The following MRPL32 variants were observed in gnomAD, a reference collection of about 807,000 sequenced individuals.
The protein encoded by MRPL32 is mitochondrial ribosomal protein L32, also known as large ribosomal subunit protein bL32m.
In MRPL32, 14 loss-of-function variants were observed where a neutral mutation model predicts 21.7. The observed-to-expected ratio is 0.64, with a 90% CI of 0.43 to 1.01. The LOEUF (loss-of-function observed/expected upper bound fraction) is 1.01, where lower values mean the gene tolerates loss of function less well. Among genes scored for constraint, MRPL32 ranks in the 50% least tolerant of loss-of-function variants. The pLI is 0.00. For synonymous variants in MRPL32, 83 were observed against 87.7 expected (o/e 0.95, Z 0.30); for missense variants, 211 against 235.9 (o/e 0.89, Z 0.69).
chr7:42,935,011 AG>A lies in MRPL32; in HGVS notation c.188del (p.Ser63MetfsTer45). ...GTTTACAGAGCCAGCAAATGATACCAGTGGAAGTAAAGAGAATTCCAGCCTT... is the reference window on the plus strand; with the variant it reads ...GTTTACAGAGCCAGCAAATGATACCATGGAAGTAAAGAGAATTCCAGCCTT... Reference protein sequence around the residue: ...AMFTEPANDTSGSKENSSLLD... With the variant: ...AMFTEPANDTXGSKENSSLLD... On this transcript the variant is annotated frameshift_variant, in exon 2 of 3. Transcript: ENST00000223324. LOFTEE classifies it high-confidence loss of function. The A allele has an allele frequency of 6.2e-7, 1 of 1,614,084 alleles. No homozygotes were observed. The highest frequency in any genetic ancestry group is 8.5e-7 in the Non-Finnish European group (1 of 1,179,988).
intron 1 of MRPL32, among the ~76,000 whole-genome samples, chr7:42,934,615 A>G (rs899060159): frequency 2.6e-5 from 4 of 152,248 alleles, no homozygotes; most frequent in Admixed American, 2.0e-4. Flanking sequence ...GCCAAGTATT[A>G]ATAGAATGTG....
chr7:42,937,803 A>G lies in MRPL32; in HGVS notation c.*227A>G, dbSNP rs2128676558. On this transcript the variant is annotated 3_prime_UTR_variant, in exon 3 of 3. Coordinates refer to ENST00000223324, the MANE Select transcript of MRPL32 (RefSeq NM_031903.3). ...TGTTTCTATTATATACAAGGTTTTA[A>G]GTAAACATAAAATTTCCAGAACAAA... 1 of 367,576 alleles carries G rather than the reference A, an allele frequency of 2.7e-6. No individual in the cohort carries two copies. Among genetic ancestry groups the G allele is most frequent in the South Asian group, 1.1e-4 (1 of 8,840 alleles). 22.8% of individuals were successfully genotyped at this position (367,576 alleles called of 1,614,324 possible). A position where few individuals can be genotyped will look rare whatever the true frequency, so the allele number is the denominator to read the frequency against.
Position 42,932,442 on chromosome 7 carries a change from T to G in MRPL32, c.56T>G (p.Val19Gly). The G allele has an allele frequency of 6.2e-7, 1 of 1,611,044 alleles. No individual in the cohort carries two copies. Among genetic ancestry groups the G allele is most frequent in the South Asian group, 1.1e-5 (1 of 90,978 alleles). Reference protein sequence around the residue: ...VVSPWSAARGVLRNYWERLLR... With the variant: ...VVSPWSAARGGLRNYWERLLR... ...TCGCCGTGGTCTGCGGCCCGGGGAG[T>G]GCTTCGAAACTACTGGGAGCGACTG... Residue 19 changes from valine (V) to glycine (G), a missense_variant, in exon 1 of 3, where the codon GTG becomes GGG. Val to Gly is a moderately radical substitution (Grantham distance 109). This residue lies in a region of MRPL32 where 81 missense variants were observed against 55.8 expected (regional missense o/e 1.45). Coordinates refer to ENST00000223324, the MANE Select transcript of MRPL32 (RefSeq NM_031903.3).
intron 1 of MRPL32, among the ~76,000 whole-genome samples, chr7:42,934,323 G>A (rs1246414333): frequency 2.0e-5 from 3 of 151,418 alleles, no homozygotes. Flanking sequence ...AAGGGTAAAG[G>A]AATGTTGATT....
chr7:42,936,221 A>C (rs1009036799), intron 2 of MRPL32: 3 of 152,316 alleles, frequency 2.0e-5, no homozygotes, highest in African/African-American at 7.2e-5. Context: ...TCTTGCACTG[A>C]TCTATTATGT....
At chr7:42,937,271 G>T in intron 2 of MRPL32, 51 bp from the exon 3 acceptor site, 1 of 1,611,856 alleles carries the variant, frequency 6.2e-7, no homozygotes, top group South Asian at 1.1e-5. Context: ...GTGGTTATTT[G>T]TTCGTTATAT....
rs631928 is a variant in MRPL32, at chr7:42,937,644, T to C, written c.*68T>C. Reference sequence around the variant, plus strand: ...TCCTGAAATAGAGGAAGATTCTTTATGTTGTTGTGCTTGTTTTTAAATCAT... The same window carrying C: ...TCCTGAAATAGAGGAAGATTCTTTACGTTGTTGTGCTTGTTTTTAAATCAT... On this transcript the variant is annotated 3_prime_UTR_variant, in exon 3 of 3. Coordinates refer to ENST00000223324, the MANE Select transcript of MRPL32 (RefSeq NM_031903.3). The C allele has an allele frequency of 0.87, 1,265,891 of 1,458,888 alleles. 550,092 individuals carry two copies. The highest frequency in any genetic ancestry group is 0.91 in the South Asian group (67,712 of 74,456). The allele number at this position is 1,458,888 out of a possible 1,614,324, so 90.4% of individuals were successfully genotyped here. A position where few individuals can be genotyped will look rare whatever the true frequency, so the allele number is the denominator to read the frequency against.
rs566623517 is a variant in MRPL32, at chr7:42,937,796, G to C, written c.*220G>C. The stretch of plus-strand genomic sequence containing the variant: ...TGGATTATGTTTCTATTATATACAA[G>C]GTTTTAAGTAAACATAAAATTTCCA... On this transcript the variant is annotated 3_prime_UTR_variant, in exon 3 of 3. Coordinates refer to ENST00000223324, the MANE Select transcript of MRPL32 (RefSeq NM_031903.3). The C allele has an allele frequency of 1.9e-5, 7 of 375,886 alleles. No individual in the cohort carries two copies. In the Admixed American group the frequency reaches 3.1e-4, roughly 16 times the overall value. 23.3% of individuals were successfully genotyped at this position (375,886 alleles called of 1,614,324 possible).
Position 42,937,357 on chromosome 7 carries a change from G to A in MRPL32, c.348G>A (p.Leu116=). ...NIDVCPECGH[L]KQKHVLCAYC... is the part of the protein sequence containing the mutation. ...ACGTTTGTCCTGAATGTGGTCACCTGAAACAGAAACATGTCCTTTGTGCCT... is the reference window on the plus strand; with the variant it reads ...ACGTTTGTCCTGAATGTGGTCACCTAAAACAGAAACATGTCCTTTGTGCCT... Residue 116 remains leucine (L), a synonymous_variant, in exon 3 of 3, where the codon CTG becomes CTA. Coordinates refer to ENST00000223324, the MANE Select transcript of MRPL32 (RefSeq NM_031903.3). 1 of 1,614,240 alleles carries A rather than the reference G, an allele frequency of 6.2e-7. No homozygotes were observed. The highest frequency in any genetic ancestry group is 1.3e-5 in the African/African-American group (1 of 75,054).
At chr7:42,932,648 G>A in intron 1 of MRPL32, 132 bp downstream of exon 1, 1 of 951,086 alleles carries the variant, frequency 1.1e-6, no homozygotes, top group Non-Finnish European at 1.5e-6. Context: ...CGTAGTTCGT[G>A]ACATTCCCAT....
At chr7:42,936,399 C>A (rs535420284) in intron 2 of MRPL32, 1 of 152,266 alleles carries the variant, frequency 6.6e-6, no homozygotes, top group East Asian at 1.9e-4. Flanking sequence ...TTCAGTTGTG[C>A]ATGCAATCCA....
chr7:42,932,501 C>G lies in MRPL32; in HGVS notation c.115C>G (p.Pro39Ala). 6.2e-7 allele frequency: 1 copy of G among 1,608,014 alleles called. No individual in the cohort carries two copies. The highest frequency in any genetic ancestry group is 1.7e-4 in the Middle Eastern group (1 of 6,020). ...RKLPQSRPGF[P>A]SPPWGPALAV... ...GCTTCCGCAGAGCCGGCCGGGCTTTCCCAGTCCTCCGTGGGGTAGGTAAAG... is the reference window on the plus strand; with the variant it reads ...GCTTCCGCAGAGCCGGCCGGGCTTTGCCAGTCCTCCGTGGGGTAGGTAAAG... The change falls in exon 1 of 3, where the codon CCC (proline) becomes GCC (alanine). Residue 39 changes from proline (P) to alanine (A), a missense_variant. Transcript: ENST00000223324.
chr7:42,937,716 T>C lies in MRPL32; in HGVS notation c.*140T>C. ...TTCTAAGCAGTTTTGTGTGGGATAA[T>C]TTGAAGAATATATTATGAGTAAACT... On this transcript the variant is annotated 3_prime_UTR_variant, in exon 3 of 3. Coordinates refer to ENST00000223324, the MANE Select transcript of MRPL32 (RefSeq NM_031903.3). 2 of 920,996 alleles carry C rather than the reference T, an allele frequency of 2.2e-6. No homozygotes were observed. Among genetic ancestry groups the C allele is most frequent in the Non-Finnish European group, 3.1e-6 (2 of 650,630 alleles). The allele number at this position is 920,996 out of a possible 1,614,324, so 57.1% of individuals were successfully genotyped here. A position where few individuals can be genotyped will look rare whatever the true frequency, so the allele number is the denominator to read the frequency against.
At position 42,932,461 on chromosome 7, in the gene MRPL32, G is replaced by A; in HGVS notation, c.75G>A (p.Glu25=). ...GGGGAGTGCTTCGAAACTACTGGGA[G>A]CGACTGCTACGGAAGCTTCCGCAGA... ...AARGVLRNYW[E]RLLRKLPQSR... The change falls in exon 1 of 3, where the codon GAG becomes GAA. Residue 25 remains glutamate, a synonymous_variant. Transcript: ENST00000223324. The A allele has an allele frequency of 6.2e-7, 1 of 1,612,564 alleles. No individual in the cohort carries two copies. Among genetic ancestry groups the A allele is most frequent in the South Asian group, 1.1e-5 (1 of 91,052 alleles).
In MRPL32 at chr7:42,937,788, A is replaced by G; in HGVS notation, c.*212A>G. 2 of 428,898 alleles carry G rather than the reference A, an allele frequency of 4.7e-6. No homozygotes were observed. The highest frequency in any genetic ancestry group is 6.2e-5 in the South Asian group (1 of 16,130). 26.6% of individuals were successfully genotyped at this position (428,898 alleles called of 1,614,324 possible). On this transcript the variant is annotated 3_prime_UTR_variant, in exon 3 of 3. Coordinates refer to ENST00000223324, the MANE Select transcript of MRPL32 (RefSeq NM_031903.3). ...AGGCTCAATGGATTATGTTTCTATT[A>G]TATACAAGGTTTTAAGTAAACATAA...
At chr7:42,936,395 T>C (rs1432285952) in intron 2 of MRPL32, 2 of 152,204 alleles carry the variant, frequency 1.3e-5, no homozygotes, top group African/African-American at 4.8e-5. Flanking sequence ...TACCTTCAGT[T>C]GTGCATGCAA....
At chr7:42,933,738 A>G (rs924278116) in intron 1 of MRPL32, among the ~76,000 whole-genome samples, 1 of 152,190 alleles carries the variant, frequency 6.6e-6, no homozygotes, top group Non-Finnish European at 1.5e-5. Flanking sequence ...ATGCCAAGCA[A>G]TGTGCCAAGC....
At chr7:42,937,000 TC>T (rs765134563) in intron 2 of MRPL32, 72 of 385,928 alleles carry the variant, frequency 1.9e-4, no homozygotes, top group African/African-American at 1.0e-3. Context: ...GTTGACAAAT[TC>T]CTTATTTGAT....
At chr7:42,933,067 A>G (rs1786358945) in intron 1 of MRPL32, among the ~76,000 whole-genome samples, 1 of 152,148 alleles carries the variant, frequency 6.6e-6, no homozygotes, top group Admixed American at 6.5e-5. Context: ...CCTAATGATT[A>G]GATTTCGAAG....
Sources: gnomAD v4.1 joint callset for allele counts (sites outside exome capture counted in the v4.1 genomes callset) on GRCh38, gnomAD v4.1.1 for gene constraint, gnomAD v4.1.1 regional missense constraint, MANE v1.5 for transcripts, NCBI Gene and HGNC (gene_info 2026-07-23, HGNC 2026-07-21) for gene names.